Variants in ADAMTSL1 observed in about 807,000 individuals in gnomAD.
ADAMTSL1 encodes the protein ADAMTS like 1.
Under a neutral mutation model 201.8 loss-of-function variants are expected in ADAMTSL1, and 126 were observed. The observed-to-expected ratio is 0.62, with a 90% CI of 0.54 to 0.72. The LOEUF (loss-of-function observed/expected upper bound fraction) is 0.72. ADAMTSL1 is among the 30% of genes least tolerant of loss of function. The probability of loss-of-function intolerance (pLI) is 0.00; values close to 1 mark genes in which losing one functional copy is unlikely to be tolerated. For missense variants in ADAMTSL1, 2,679 were observed against 2,277.8 expected (o/e 1.18, Z -3.59); for synonymous variants, 1,121 against 903.4 (o/e 1.24, Z -4.32).
At chr9:18,829,613 T>C (rs1463301661) in intron 22 of ADAMTSL1, among the ~76,000 whole-genome samples, 1 of 152,192 alleles carries the variant, frequency 6.6e-6, no homozygotes, top group East Asian at 1.9e-4. Context: ...GCCTGCTTCT[T>C]CTTACTGACC....
chr9:18,002,346 A>T (rs566067812), intron 1 of ADAMTSL1, among the ~76,000 whole-genome samples: 1 of 152,100 alleles, frequency 6.6e-6, no homozygotes, highest in Admixed American at 6.6e-5. Flanking sequence ...GTTCCACAAT[A>T]TTGCTAGGTG....
intron 17 of ADAMTSL1, 64 bp downstream of exon 17, chr9:18,770,845 T>C (rs1820651127): frequency 6.6e-7 from 1 of 1,511,262 alleles, no homozygotes; most frequent in Non-Finnish European, 9.0e-7. Context: ...ACCCCAGACA[T>C]ATACATAGAA....
intron 7 of ADAMTSL1, among the ~76,000 whole-genome samples, chr9:18,654,321 A>G (rs571103508): frequency 6.6e-6 from 1 of 152,366 alleles, no homozygotes; most frequent in African/African-American, 2.4e-5. Context: ...AGTGATCAGT[A>G]ACATCTTCAA....
chr9:18,483,910 A>G (rs142808093), intron 1 of ADAMTSL1, among the ~76,000 whole-genome samples: 81 of 152,378 alleles, frequency 5.3e-4, no homozygotes, highest in African/African-American at 1.9e-3. Flanking sequence ...GCAAGAACAG[A>G]GAACTAAAAT....
chr9:18,530,511 C>T (rs1200693706), intron 2 of ADAMTSL1, among the ~76,000 whole-genome samples: 1 of 152,220 alleles, frequency 6.6e-6, no homozygotes, highest in East Asian at 1.9e-4. Flanking sequence ...TTTCACTCAC[C>T]TACTGCAATT....
intron 1 of ADAMTSL1, among the ~76,000 whole-genome samples, chr9:17,958,315 C>T (rs368663884): frequency 1.3e-5 from 2 of 152,132 alleles, no homozygotes; most frequent in African/African-American, 4.8e-5. Flanking sequence ...TGTCTTTCCA[C>T]TAGACACTGA....
intron 1 of ADAMTSL1, among the ~76,000 whole-genome samples, chr9:18,099,357 T>TGTATATATA (rs58492343): frequency 5.2e-5 from 3 of 57,170 alleles, no homozygotes; most frequent in Non-Finnish European, 9.7e-5. Context: ...ATATATATAT[T>TGTATATATA]TTTTTTTTTT....
chr9:17,976,383 G>A (rs1450660710), intron 1 of ADAMTSL1, among the ~76,000 whole-genome samples: 2 of 151,854 alleles, frequency 1.3e-5, no homozygotes, highest in African/African-American at 2.4e-5. Context: ...ATTTATTTAT[G>A]TCTTCTTCAG....
chr9:18,533,027 GATAA>G (rs1351672236), intron 2 of ADAMTSL1, among the ~76,000 whole-genome samples: 4 of 151,894 alleles, frequency 2.6e-5, no homozygotes, highest in South Asian at 4.2e-4. Context: ...TTTGAAACAA[GATAA>G]ATACTTAGTT....
chr9:18,138,713 A>T (rs1189835332), intron 1 of ADAMTSL1, among the ~76,000 whole-genome samples: 3 of 152,166 alleles, frequency 2.0e-5, no homozygotes, highest in Non-Finnish European at 4.4e-5. Flanking sequence ...AAAGGAAAAA[A>T]AGGAGGGTGA....
intron 23 of ADAMTSL1, among the ~76,000 whole-genome samples, chr9:18,878,011 A>G (rs1231291807): frequency 6.6e-6 from 1 of 152,120 alleles, no homozygotes; most frequent in Non-Finnish European, 1.5e-5. Context: ...CAGGGGGATT[A>G]TGGCTGCCTC....
chr9:18,252,371 C>T (rs1450558970), intron 2 of ADAMTSL1, among the ~76,000 whole-genome samples: 3 of 152,112 alleles, frequency 2.0e-5, no homozygotes, highest in African/African-American at 4.8e-5. Flanking sequence ...GATACAGTTG[C>T]CCCTTGTTAT....
chr9:18,083,236 G>A (rs747307487), intron 1 of ADAMTSL1, among the ~76,000 whole-genome samples: 7 of 152,200 alleles, frequency 4.6e-5, no homozygotes, highest in African/African-American at 4.8e-5. Flanking sequence ...GGACCTACAA[G>A]TATTGGAAAG....
intron 21 of ADAMTSL1, among the ~76,000 whole-genome samples, chr9:18,819,522 G>A (rs1269307133): frequency 6.6e-6 from 1 of 151,806 alleles, no homozygotes; most frequent in Non-Finnish European, 1.5e-5. Flanking sequence ...AAAGGAGATT[G>A]AGAGGACCAG....
At chr9:18,510,571 T>C (rs891331967) in intron 2 of ADAMTSL1, among the ~76,000 whole-genome samples, 2 of 152,132 alleles carry the variant, frequency 1.3e-5, no homozygotes, top group Non-Finnish European at 2.9e-5. Flanking sequence ...GTTTATGATA[T>C]TGGAACACTG....
intron 1 of ADAMTSL1, among the ~76,000 whole-genome samples, chr9:17,996,998 G>A (rs1383786696): frequency 6.6e-6 from 1 of 152,122 alleles, no homozygotes; most frequent in East Asian, 1.9e-4. Flanking sequence ...TTTCAGATAA[G>A]AACCTACGTA....
At chr9:18,038,185 C>T (rs1394828989) in intron 1 of ADAMTSL1, among the ~76,000 whole-genome samples, 1 of 152,142 alleles carries the variant, frequency 6.6e-6, no homozygotes, top group Non-Finnish European at 1.5e-5. Context: ...GGTAGACCAT[C>T]TGCTCATGAG....
chr9:18,330,175 T>TG (rs1834974260), intron 2 of ADAMTSL1, among the ~76,000 whole-genome samples: 3 of 152,190 alleles, frequency 2.0e-5, no homozygotes, highest in African/African-American at 7.2e-5. Context: ...GGAGCTATCT[T>TG]GCAAGGTAGT....
intron 2 of ADAMTSL1, among the ~76,000 whole-genome samples, chr9:18,421,794 A>G (rs977310435): frequency 2.0e-5 from 3 of 152,214 alleles, no homozygotes; most frequent in African/African-American, 7.2e-5. Context: ...TAGGTGTCCA[A>G]TAAATGGTAG....
Sources: gnomAD v4.1 joint callset for allele counts (sites outside exome capture counted in the v4.1 genomes callset) on GRCh38, gnomAD v4.1.1 for gene constraint, MANE v1.5 for transcripts, NCBI Gene and HGNC (gene_info 2026-07-23, HGNC 2026-07-21) for gene names.